Variants in FAAH2 observed in about 807,000 individuals in gnomAD.
The protein encoded by FAAH2 is fatty-acid amide hydrolase 2.
Under a neutral mutation model 36.9 loss-of-function variants are expected in FAAH2, and 60 were observed. The observed-to-expected ratio is 1.63, with a 90% CI of 1.32 to 2.02. The LOEUF (loss-of-function observed/expected upper bound fraction) is 2.02. Ranked by LOEUF, FAAH2 falls within the 30% of genes most tolerant of loss-of-function variation. The pLI, the probability that FAAH2 is intolerant of heterozygous loss-of-function variation, is 0.00. For synonymous variants in FAAH2, 214 were observed against 143.8 expected, an observed-to-expected ratio of 1.49 and a Z score of -3.49; for missense variants, 689 against 397.5, an observed-to-expected ratio of 1.73 and a Z score of -6.23.
At chrX:57,382,622 C>T (rs1473982162) in intron 7 of FAAH2, among the ~76,000 whole-genome samples, 1 of 111,383 alleles carries the variant, frequency 9.0e-6, no homozygotes, top group Non-Finnish European at 1.9e-5. Flanking sequence ...CAAGACTAAA[C>T]CAGGAAGAAG....
chrX:57,488,988 T>A lies in FAAH2; in HGVS notation c.*56T>A. ...GTGTTTGTGTTCGTGTGGTGGTGTT[T>A]CTATTAATTGGGTGAAATCAAGCAC... On this transcript the variant is annotated 3_prime_UTR_variant, in exon 11 of 11. Transcript: ENST00000374900. The A allele has an allele frequency of 9.1e-7, 1 of 1,103,329 alleles. No homozygotes were observed. The highest frequency in any genetic ancestry group is 1.2e-6 in the Non-Finnish European group (1 of 831,669). The allele number at this position is 1,103,329 out of a possible 1,213,427, so 90.9% of individuals were successfully genotyped here. A position where few individuals can be genotyped will look rare whatever the true frequency, so the allele number is the denominator to read the frequency against.
chrX:57,160,654 G>C, the FAAH2 span, among the ~76,000 whole-genome samples: 2 of 112,157 alleles, frequency 1.8e-5, no homozygotes, highest in African/African-American at 6.5e-5. Context: ...TTCTCTGATA[G>C]TAGTTTGTAT....
intron 5 of FAAH2, among the ~76,000 whole-genome samples, chrX:57,377,680 G>C (rs2054720841): frequency 8.9e-6 from 1 of 112,198 alleles, no homozygotes; most frequent in Admixed American, 9.5e-5. Flanking sequence ...ATTCTGTGAA[G>C]AAAGTCAATG....
intron 1 of FAAH2, among the ~76,000 whole-genome samples, chrX:57,288,338 CTTTTTTTTTTTT>C (rs771871081): frequency 9.9e-5 from 4 of 40,363 alleles, no homozygotes; most frequent in East Asian, 8.3e-4. Flanking sequence ...AAAAACATTT[CTTTTTTTTTTTT>C]TTTTTTTTTT....
At chrX:57,353,236 T>TA (rs1018523764) in intron 5 of FAAH2, among the ~76,000 whole-genome samples, 8 of 109,122 alleles carry the variant, frequency 7.3e-5, no homozygotes, top group African/African-American at 2.0e-4. Context: ...ATGGTTCTGG[T>TA]AAAAAAACAG....
intron 7 of FAAH2, among the ~76,000 whole-genome samples, chrX:57,392,295 G>T (rs1184130281): frequency 9.0e-6 from 1 of 111,317 alleles, no homozygotes; most frequent in Non-Finnish European, 1.9e-5. Context: ...CTTTCCTCTG[G>T]CTAGAACTGC....
chrX:57,443,401 G>A (rs1047668122), intron 8 of FAAH2, among the ~76,000 whole-genome samples: 5 of 111,497 alleles, frequency 4.5e-5, no homozygotes, highest in African/African-American at 1.3e-4. Flanking sequence ...TTATCAAATC[G>A]GCTACTGAAG....
chrX:57,330,617 G>T (rs1189733120), intron 3 of FAAH2, among the ~76,000 whole-genome samples: 1 of 111,309 alleles, frequency 9.0e-6, no homozygotes, highest in Non-Finnish European at 1.9e-5. Flanking sequence ...CTCCCCTTTT[G>T]AACGTCCCTA....
chrX:57,213,015 T>A, the FAAH2 span, among the ~76,000 whole-genome samples: 1 of 111,493 alleles, frequency 9.0e-6, no homozygotes, highest in Non-Finnish European at 1.9e-5. Flanking sequence ...TCAGGTATAC[T>A]ACTCATTACT....
chrX:57,331,687 G>A lies in FAAH2; in HGVS notation c.502G>A (p.Ala168Thr), dbSNP rs761329000. ...GGTGGCATTACTGAAGGGAGCTGGT[G>A]CCATTCCTCTTGGCATAACCAACTG... ...TVVALLKGAG[A>T]IPLGITNCSE... Residue 168 changes from alanine (A) to threonine (T), a missense_variant, in exon 4 of 11, where the codon GCC becomes ACC. Ala to Thr is a moderately conservative substitution (Grantham distance 58, BLOSUM62 0). Transcript: ENST00000374900. 3.3e-6 allele frequency: 4 copies of A among 1,209,827 alleles called. No homozygotes were observed. The African/African-American group carries it at 5.2e-5, about 16-fold the overall frequency.
chrX:57,278,638 CA>C, the FAAH2 span, among the ~76,000 whole-genome samples: 47,958 of 107,137 alleles, frequency 0.45, 10,781 homozygotes, highest in African/African-American at 0.86. Context: ...AACAATAAAA[CA>C]AAAAAAAACC....
chrX:57,293,144 G>A (rs376411998), intron 2 of FAAH2, among the ~76,000 whole-genome samples: 24 of 111,138 alleles, frequency 2.2e-4, no homozygotes, highest in Non-Finnish European at 4.2e-4. Flanking sequence ...GGGTGCCATC[G>A]TGTAGCTCTC....
chrX:57,454,677 C>G (rs1389750401), intron 10 of FAAH2, among the ~76,000 whole-genome samples: 1 of 111,571 alleles, frequency 9.0e-6, no homozygotes, highest in East Asian at 2.8e-4. Context: ...GCATCAGCAG[C>G]AGAAAAATTA....
At chrX:57,329,166 G>A (rs1203941436) in intron 3 of FAAH2, among the ~76,000 whole-genome samples, 2 of 112,426 alleles carry the variant, frequency 1.8e-5, no homozygotes, top group South Asian at 3.7e-4. Context: ...ATCATTCACA[G>A]CAATTGGCAA....
At chrX:57,137,409 T>C in the FAAH2 span, 12 of 730,810 alleles carry the variant, frequency 1.6e-5, no homozygotes, top group East Asian at 1.5e-4. Flanking sequence ...ACTGCAGCGG[T>C]GTCCCCAGCG....
At chrX:57,334,715 A>G (rs2053499974) in intron 4 of FAAH2, among the ~76,000 whole-genome samples, 1 of 111,876 alleles carries the variant, frequency 8.9e-6, no homozygotes, top group Non-Finnish European at 1.9e-5. Flanking sequence ...TTCCTTTATA[A>G]GATAACTACA....
chrX:57,424,402 C>A (rs2056110870), intron 7 of FAAH2, among the ~76,000 whole-genome samples: 1 of 111,910 alleles, frequency 8.9e-6, no homozygotes, highest in South Asian at 3.7e-4. Flanking sequence ...CTGGCTCTTA[C>A]CTGTAAGCAA....
chrX:57,402,959 T>C (rs1324946766), intron 7 of FAAH2, among the ~76,000 whole-genome samples: 1 of 112,089 alleles, frequency 8.9e-6, no homozygotes, highest in Non-Finnish European at 1.9e-5. Context: ...ACTTCTCTCA[T>C]ATGGGGTTAG....
chrX:57,225,223 G>A, the FAAH2 span, among the ~76,000 whole-genome samples: 5 of 111,060 alleles, frequency 4.5e-5, no homozygotes, highest in South Asian at 1.9e-3. Flanking sequence ...TGCTTGAGGT[G>A]TAACCTTATA....
Sources: allele counts gnomAD v4.1 joint callset (sites outside exome capture counted in the v4.1 genomes callset), GRCh38; gene constraint gnomAD v4.1.1; transcripts MANE v1.5; gene names NCBI Gene and HGNC (gene_info 2026-07-23, HGNC 2026-07-21).